The following CDH8 variants were observed in gnomAD, a reference collection of about 807,000 sequenced individuals.
The protein encoded by CDH8 is cadherin-8.
Under a neutral mutation model 68.1 loss-of-function variants are expected in CDH8, and 17 were observed. The observed-to-expected ratio is 0.25, with a 90% CI of 0.17 to 0.37. CDH8 has a LOEUF of 0.37. CDH8 is among the 10% of genes least tolerant of loss of function. The pLI, the probability that CDH8 is intolerant of heterozygous loss-of-function variation, is 1.00. For missense variants in CDH8, 763 were observed against 999.3 expected (o/e 0.76, Z 3.19); for synonymous variants, 372 against 365.1 (o/e 1.02, Z -0.21).
intron 8 of CDH8, among the ~76,000 whole-genome samples, chr16:61,747,584 A>G (rs1320346982): frequency 2.6e-5 from 4 of 152,086 alleles, no homozygotes; most frequent in Admixed American, 2.0e-4. Context: ...GTGAGAAAAT[A>G]TAGACCAATA....
At chr16:61,753,984 A>G (rs187172897) in intron 8 of CDH8, among the ~76,000 whole-genome samples, 43 of 152,276 alleles carry the variant, frequency 2.8e-4, no homozygotes, top group Non-Finnish European at 5.9e-4. Context: ...CAAAATGAAG[A>G]AACTACATAT....
At chr16:62,017,376 A>G (rs1200393193) in intron 2 of CDH8, among the ~76,000 whole-genome samples, 1 of 151,996 alleles carries the variant, frequency 6.6e-6, no homozygotes, top group Non-Finnish European at 1.5e-5. Context: ...ATAGGGAAAA[A>G]CTCTCTAAGA....
intron 3 of CDH8, among the ~76,000 whole-genome samples, chr16:61,862,915 A>T (rs1963177915): frequency 6.6e-6 from 1 of 152,168 alleles, no homozygotes; most frequent in Admixed American, 6.6e-5. Context: ...TTCATTTGGA[A>T]CTGTTTTTGT....
At chr16:61,659,457 C>T (rs1468381014) in intron 10 of CDH8, among the ~76,000 whole-genome samples, 1 of 152,136 alleles carries the variant, frequency 6.6e-6, no homozygotes, top group South Asian at 2.1e-4. Context: ...GGACGTCAGA[C>T]ATTCTCATTC....
intron 8 of CDH8, among the ~76,000 whole-genome samples, chr16:61,728,524 T>C (rs1364154752): frequency 6.6e-6 from 1 of 151,098 alleles, no homozygotes; most frequent in African/African-American, 2.4e-5. Flanking sequence ...TAAATATATA[T>C]CTAATGAACT....
Position 61,648,043 on chromosome 16 carries a change from C to T in CDH8, c.*5565G>A. ...ATTTTCACCAGCAAATGCCTACTAA[C>T]CTTGAGACCTAGATGAAACTTCCAC... On this transcript the variant is annotated 3_prime_UTR_variant, in exon 12 of 12. Coordinates refer to ENST00000577390, the MANE Select transcript of CDH8 (RefSeq NM_001796.5). 3.6e-6 allele frequency: 2 copies of T among 552,922 alleles called. No homozygotes were observed. Among genetic ancestry groups the T allele is most frequent in the Non-Finnish European group, 6.4e-6 (2 of 311,916 alleles). 34.3% of individuals were successfully genotyped at this position (552,922 alleles called of 1,614,324 possible). A position where few individuals can be genotyped will look rare whatever the true frequency, so the allele number is the denominator to read the frequency against.
intron 2 of CDH8, 58 bp from the exon 3 acceptor site, chr16:61,901,531 A>ACTAC: frequency 8.1e-7 from 1 of 1,233,220 alleles, no homozygotes; most frequent in Non-Finnish European, 1.2e-6. Context: ...TATTTTTTTA[A>ACTAC]CTACCTCCTT....
rs201618131 is a variant in CDH8 at position 61,665,351 on chromosome 16, TA to T, written c.1655-9631del. 4.6e-3 allele frequency among the ~76,000 whole-genome samples: 703 copies of T among 151,886 alleles called. 7 individuals are homozygous for T. The highest frequency in any genetic ancestry group is 0.016 in the African/African-American group (673 of 41,420). On this transcript the variant is annotated intron_variant, in intron 10 of 11. Transcript: ENST00000577390. ...TACTCCATGGAATACTATGCAGCCA[TA>T]AAAAAGAATGAGTTCACAAAAAATG...
intron 2 of CDH8, among the ~76,000 whole-genome samples, chr16:61,912,098 A>T (rs1387473217): frequency 6.6e-6 from 1 of 152,128 alleles, no homozygotes; most frequent in African/African-American, 2.4e-5. Flanking sequence ...AAGTGACAAT[A>T]GCACAGCGGG....
chr16:61,707,165 A>C (rs1964549969), intron 10 of CDH8, among the ~76,000 whole-genome samples: 1 of 152,088 alleles, frequency 6.6e-6, no homozygotes, highest in Admixed American at 6.6e-5. Context: ...TTCCTTATTA[A>C]TATTTTTATT....
chr16:61,713,111 A>G (rs558856162), intron 10 of CDH8, among the ~76,000 whole-genome samples: 72 of 151,774 alleles, frequency 4.7e-4, no homozygotes, highest in African/African-American at 1.4e-3. Flanking sequence ...AACAAAAATC[A>G]AGTTTTAAAT....
Position 61,942,984 on chromosome 16 carries a change from C to T in CDH8, c.253-41511G>A, listed in dbSNP as rs550210102. Among the ~76,000 whole-genome samples the T allele has an allele frequency of 1.9e-4, 29 of 152,236 alleles. 2 individuals are homozygous for T. In the South Asian group the frequency reaches 4.2e-3, roughly 22 times the overall value. ...CTTAGGTGGGAAGATCGCTTGAGTC[C>T]GGGAGGCAGAGGTTGCAGTGAGCTG... On this transcript the variant is annotated intron_variant, in intron 2 of 11. Coordinates refer to ENST00000577390, the MANE Select transcript of CDH8 (RefSeq NM_001796.5).
intron 2 of CDH8, among the ~76,000 whole-genome samples, chr16:61,950,135 C>T (rs746221846): frequency 4.6e-5 from 7 of 152,096 alleles, no homozygotes; most frequent in Non-Finnish European, 8.8e-5. Context: ...GCAAAATTAT[C>T]GATAAAGCAC....
At chr16:61,918,782 A>T (rs919896811) in intron 2 of CDH8, 3 of 152,186 alleles carry the variant, frequency 2.0e-5, no homozygotes, top group African/African-American at 7.3e-5. Flanking sequence ...TAAACAAAGC[A>T]GCCGGGAAGC....
intron 2 of CDH8, among the ~76,000 whole-genome samples, chr16:61,944,663 G>A (rs756217573): frequency 9.2e-5 from 14 of 152,232 alleles, no homozygotes; most frequent in Non-Finnish European, 1.6e-4. Flanking sequence ...AGGAGCAGGC[G>A]GGGTGTGGTG....
At chr16:61,967,773 A>C (rs75989997) in intron 2 of CDH8, among the ~76,000 whole-genome samples, 102 of 152,276 alleles carry the variant, frequency 6.7e-4, no homozygotes, top group African/African-American at 2.3e-3. Flanking sequence ...ATCTGTACTT[A>C]TACGACAGTT....
In CDH8 at chr16:61,653,128, G is replaced by C. The variant is rs373477288; in HGVS notation, c.*480C>G. ...CTCCAAAAAGTTATAATGTACAGCA[G>C]ACCAAGTATTGCTTTATCATTTGTG... On this transcript the variant is annotated 3_prime_UTR_variant, in exon 12 of 12. Coordinates refer to ENST00000577390, the MANE Select transcript of CDH8 (RefSeq NM_001796.5). 3 of 1,244,598 alleles carry C rather than the reference G, an allele frequency of 2.4e-6. No individual in the cohort carries two copies. In the East Asian group the frequency reaches 9.4e-5, roughly 39 times the overall value. The allele number at this position is 1,244,598 out of a possible 1,614,324, so 77.1% of individuals were successfully genotyped here.
intron 3 of CDH8, among the ~76,000 whole-genome samples, chr16:61,862,722 TAGTCAAGCAGCAATGC>T: frequency 6.6e-6 from 1 of 152,306 alleles, no homozygotes; most frequent in South Asian, 2.1e-4. Flanking sequence ...AAAAGATTGC[TAGTCAAGCAGCAATGC>T]ACACTTCTCC....
chr16:61,769,920 A>G (rs1960734727), intron 8 of CDH8, among the ~76,000 whole-genome samples: 1 of 151,860 alleles, frequency 6.6e-6, no homozygotes, highest in Non-Finnish European at 1.5e-5. Context: ...CTAATATAGG[A>G]CCTGGCGAAT....
Sources: gnomAD v4.1 joint callset for allele counts (sites outside exome capture counted in the v4.1 genomes callset) on GRCh38, gnomAD v4.1.1 for gene constraint, MANE v1.5 for transcripts, NCBI Gene and HGNC (gene_info 2026-07-23, HGNC 2026-07-21) for gene names.